ABTB2: variants seen among roughly 807,000 people sequenced by gnomAD.
ABTB2 encodes ankyrin repeat and BTB domain containing 2.
Under a neutral mutation model 104.1 loss-of-function variants are expected in ABTB2, and 56 were observed. That is an observed-to-expected ratio of 0.54 (90% CI 0.43 to 0.67). The LOEUF (loss-of-function observed/expected upper bound fraction) is 0.67. Among genes scored for constraint, ABTB2 ranks in the 30% least tolerant of loss-of-function variants. The pLI is 0.00. For synonymous variants in ABTB2, 606 were observed against 608.2 expected, an observed-to-expected ratio of 1.00 and a Z score of 0.05; for missense variants, 1,279 against 1,407.7, an observed-to-expected ratio of 0.91 and a Z score of 1.46.
intron 1 of ABTB2, among the ~76,000 whole-genome samples, chr11:34,217,088 G>T (rs112860272): frequency 8.7e-4 from 132 of 152,306 alleles, no homozygotes; most frequent in African/African-American, 3.1e-3. Flanking sequence ...CTAGTAGTAC[G>T]GAACTGCCTC....
At chr11:34,342,222 G>A (rs1273945937) in intron 1 of ABTB2, among the ~76,000 whole-genome samples, 1 of 152,172 alleles carries the variant, frequency 6.6e-6, no homozygotes, top group Non-Finnish European at 1.5e-5. Context: ...TGCTTCATAC[G>A]GTATTATCTT....
chr11:34,344,094 T>C (rs892720892), intron 1 of ABTB2, among the ~76,000 whole-genome samples: 6 of 152,268 alleles, frequency 3.9e-5, no homozygotes, highest in Admixed American at 3.9e-4. Context: ...GCGTTCTTTT[T>C]CCGGCCAAAT....
intron 1 of ABTB2, among the ~76,000 whole-genome samples, chr11:34,217,424 ATAAC>A (rs747725426): frequency 3.3e-5 from 5 of 152,172 alleles, no homozygotes; most frequent in Non-Finnish European, 7.3e-5. Context: ...CCTGCTATAA[ATAAC>A]TGTGCACAGG....
intron 1 of ABTB2, among the ~76,000 whole-genome samples, chr11:34,276,218 T>TAA (rs760725017): frequency 1.5e-5 from 2 of 137,030 alleles, no homozygotes. Flanking sequence ...CTTGTTTGGT[T>TAA]AAAAAAAAAA....
chr11:34,195,161 C>G (rs1280011313), intron 3 of ABTB2, among the ~76,000 whole-genome samples: 1 of 149,120 alleles, frequency 6.7e-6, no homozygotes, highest in African/African-American at 2.4e-5. Flanking sequence ...GAGGGCCCAG[C>G]AGCCAGGGCA....
intron 9 of ABTB2, among the ~76,000 whole-genome samples, 187 bp from the exon 10 acceptor site, chr11:34,162,992 G>A (rs1169906569): frequency 6.6e-6 from 1 of 152,190 alleles, no homozygotes; most frequent in Non-Finnish European, 1.5e-5. Context: ...ATACCTCTGA[G>A]AGGCAGGGCA....
intron 1 of ABTB2, among the ~76,000 whole-genome samples, chr11:34,215,446 T>A (rs1853539824): frequency 6.6e-6 from 1 of 152,224 alleles, no homozygotes; most frequent in Non-Finnish European, 1.5e-5. Context: ...ATGAGTATAT[T>A]CATCAGAGAA....
At chr11:34,302,092 T>C (rs142510217) in intron 1 of ABTB2, among the ~76,000 whole-genome samples, 187 of 152,340 alleles carry the variant, frequency 1.2e-3, no homozygotes, top group Non-Finnish European at 2.2e-3. Context: ...ACCCCCAAGA[T>C]AATCACTAGG....
Position 34,154,216 on chromosome 11 carries a change from G to T in ABTB2, c.2880+49C>A. ...CAGCCACACGGCCGAGGCCCCCGTG[G>T]AGCAGAGCATGTGGTGGGAGGTGGC... On this transcript the variant is annotated intron_variant, in intron 16 of 16. Transcript: ENST00000435224. This position sits in a 1 kb window ranked among gnomAD's most constrained non-coding sequence, Gnocchi z 4.9. The T allele has an allele frequency of 3.4e-6, 5 of 1,457,262 alleles. No homozygotes were observed. The highest frequency in any genetic ancestry group is 4.8e-6 in the Non-Finnish European group (5 of 1,041,004). The allele number at this position is 1,457,262 out of a possible 1,614,324, so 90.3% of individuals were successfully genotyped here.
In ABTB2 at chr11:34,153,833, G is replaced by T. The variant is rs76836509; in HGVS notation, c.2880+432C>A. On this transcript the variant is annotated intron_variant, in intron 16 of 16. Transcript: ENST00000435224. ...AGGTGGGTGGCTTGCATATGGGAGG[G>T]TTTTTGCAAATCAAATATGATTCCT... Among the ~76,000 whole-genome samples, 360 of 152,302 alleles carry T rather than the reference G, an allele frequency of 2.4e-3. 1 individual carries two copies. Among genetic ancestry groups the T allele is most frequent in the Middle Eastern group, 0.01 (3 of 294 alleles).
intron 6 of ABTB2, among the ~76,000 whole-genome samples, chr11:34,167,562 G>T (rs1852818605): frequency 6.6e-6 from 1 of 152,202 alleles, no homozygotes. Flanking sequence ...GGGCAGATGG[G>T]GAGTGCTTTA....
At chr11:34,195,645 G>A (rs939593523) in intron 3 of ABTB2, among the ~76,000 whole-genome samples, 19 of 152,208 alleles carry the variant, frequency 1.2e-4, no homozygotes, top group Middle Eastern at 3.2e-3. Context: ...AGCCTGTGTC[G>A]TGGGGCCAGT....
chr11:34,167,297 T>C lies in ABTB2; in HGVS notation c.1717A>G (p.Thr573Ala). 6.2e-7 allele frequency: 1 copy of C among 1,613,228 alleles called. No homozygotes were observed. The highest frequency in any genetic ancestry group is 1.3e-5 in the African/African-American group (1 of 74,976). ...ATGTGTCCATGCAGCACAGCGAATG[T>C]CAGTGAGGTCCAGTGCCGGCTGTCG... ...HPDSRHWTSLTFAVLHGHISV... is the reference protein window; with the variant it reads ...HPDSRHWTSLAFAVLHGHISV... Residue 573 changes from threonine (T) to alanine (A), a missense_variant, in exon 7 of 17, where the codon ACA becomes GCA. By Grantham distance (58) the Thr-to-Ala change is moderately conservative. Coordinates refer to ENST00000435224, the MANE Select transcript of ABTB2 (RefSeq NM_145804.3).
rs1852593002 is a variant in ABTB2 at position 34,154,506 on chromosome 11, T to C, written c.2767-128A>G. On this transcript the variant is annotated intron_variant, in intron 15 of 16. Coordinates refer to ENST00000435224, the MANE Select transcript of ABTB2 (RefSeq NM_145804.3). This position sits in a 1 kb window ranked among gnomAD's most constrained non-coding sequence, Gnocchi z 4.9. The stretch of plus-strand genomic sequence containing the variant: ...ACCCTCAGGCCCCACTACCTTCTGA[T>C]ACTCCTGGGCCTAACCATCCCCGCT... The C allele has an allele frequency of 4.7e-6, 4 of 846,494 alleles. No individual in the cohort carries two copies. Among genetic ancestry groups the C allele is most frequent in the Non-Finnish European group, 7.6e-6 (4 of 528,624 alleles). 52.4% of individuals were successfully genotyped at this position (846,494 alleles called of 1,614,324 possible).
chr11:34,186,163 G>A (rs1053223106), intron 3 of ABTB2, among the ~76,000 whole-genome samples: 5 of 152,232 alleles, frequency 3.3e-5, no homozygotes, highest in Admixed American at 2.6e-4. Flanking sequence ...CCCTGAACTC[G>A]GCCGGGAACA....
chr11:34,355,668 C>T (rs867519989), intron 1 of ABTB2, among the ~76,000 whole-genome samples: 98 of 152,276 alleles, frequency 6.4e-4, no homozygotes, highest in Middle Eastern at 3.4e-3. Flanking sequence ...TGAAAGCTGC[C>T]CCCCAAATGG....
chr11:34,159,828 C>T, intron 13 of ABTB2, 78 bp downstream of exon 13: 10 of 1,178,534 alleles, frequency 8.5e-6, no homozygotes, highest in South Asian at 3.9e-5. Context: ...CCCAGCGAGT[C>T]ACTCTCTGTC....
chr11:34,357,238 G>A lies in ABTB2; in HGVS notation c.346C>T (p.Arg116Trp), dbSNP rs757513652. The A allele has an allele frequency of 1.3e-5, 20 of 1,501,776 alleles. No individual in the cohort carries two copies. Among genetic ancestry groups the A allele is most frequent in the South Asian group, 7.6e-5 (6 of 78,534 alleles). The allele number at this position is 1,501,776 out of a possible 1,614,324, so 93.0% of individuals were successfully genotyped here. A position where few individuals can be genotyped will look rare whatever the true frequency, so the allele number is the denominator to read the frequency against. The change falls in exon 1 of 17, where the codon CGG becomes TGG. Residue 116 changes from arginine (R) to tryptophan (W), a missense_variant. By Grantham distance (101) the Arg-to-Trp change is moderately radical. Transcript: ENST00000435224. ...RVLRKGAGGRRLPQFSAEAVR... is the reference protein window; with the variant it reads ...RVLRKGAGGRWLPQFSAEAVR... ...GCCTCGGCGGAGAACTGGGGCAGCC[G>A]CCGGCCGCCAGCGCCTTTGCGGAGC...
In ABTB2 at chr11:34,357,006, A is replaced by G. The variant is rs1590269449; in HGVS notation, c.578T>C (p.Leu193Pro). The G allele has an allele frequency of 3.2e-6, 5 of 1,575,472 alleles. No individual in the cohort carries two copies. The highest frequency in any genetic ancestry group is 3.4e-6 in the Non-Finnish European group (4 of 1,163,294). Residue 193 changes from leucine to proline, a missense_variant, in exon 1 of 17, where the codon CTG becomes CCG. Coordinates refer to ENST00000435224, the MANE Select transcript of ABTB2 (RefSeq NM_145804.3). Reference protein sequence around the residue: ...SLYSMSAGDGLRRGKSARCGL... With the variant: ...SLYSMSAGDGPRRGKSARCGL... ...GCAGCGCGCGGACTTGCCCCGGCGC[A>G]GCCCGTCGCCGGCGCTCATGCTGTA...
Sources: allele counts gnomAD v4.1 joint callset (sites outside exome capture counted in the v4.1 genomes callset), GRCh38; gene constraint gnomAD v4.1.1; non-coding constraint Gnocchi (gnomAD v3.1); transcripts MANE v1.5; gene names NCBI Gene and HGNC (gene_info 2026-07-23, HGNC 2026-07-21).